RNF214: variants seen among roughly 807,000 people sequenced by gnomAD.
RNF214 encodes the protein ring finger protein 214.
RNF214 carries 25 observed loss-of-function variants against 75.9 expected under a neutral mutation model. That is an observed-to-expected ratio of 0.33 (90% CI 0.24 to 0.46). RNF214 has a LOEUF of 0.46. Ranked by LOEUF, RNF214 falls within the 20% of genes least tolerant of loss-of-function variation. RNF214 has a pLI of 1.00. For synonymous variants in RNF214, 314 were observed against 308.8 expected (o/e 1.02, Z -0.18); for missense variants, 725 against 857.5 (o/e 0.85, Z 1.93).
chr11:117,241,049 G>A (rs911275500), intron 4 of RNF214, among the ~76,000 whole-genome samples: 1 of 151,944 alleles, frequency 6.6e-6, no homozygotes, highest in African/African-American at 2.4e-5. Context: ...GTGTGGTGGC[G>A]TGTGCCTGTA....
intron 6 of RNF214, among the ~76,000 whole-genome samples, chr11:117,259,253 G>A (rs991381761): frequency 2.6e-5 from 4 of 152,154 alleles, no homozygotes; most frequent in Non-Finnish European, 5.9e-5. Context: ...TACCGTGCCC[G>A]GCTTTATTGT....
chr11:117,236,583 C>A (rs2032918579), intron 2 of RNF214, among the ~76,000 whole-genome samples: 1 of 152,180 alleles, frequency 6.6e-6, no homozygotes, highest in South Asian at 2.1e-4. Context: ...TCCCTCAACT[C>A]TTTTCCAGTG....
intron 2 of RNF214, among the ~76,000 whole-genome samples, chr11:117,236,214 G>C (rs1265773531): frequency 6.6e-6 from 1 of 151,778 alleles, no homozygotes; most frequent in Non-Finnish European, 1.5e-5. Flanking sequence ...GTCCGTCTTG[G>C]CCTCCCAAAG....
At chr11:117,238,131 T>A (rs1239972058) in intron 2 of RNF214, among the ~76,000 whole-genome samples, 1 of 152,164 alleles carries the variant, frequency 6.6e-6, no homozygotes, top group Non-Finnish European at 1.5e-5. Flanking sequence ...AACCCAGGTT[T>A]TTGGCCAGCT....
intron 6 of RNF214, among the ~76,000 whole-genome samples, chr11:117,268,015 C>A (rs2033833855): frequency 1.3e-5 from 2 of 152,198 alleles, no homozygotes; most frequent in African/African-American, 4.8e-5. Context: ...CTGATAGAAT[C>A]TTACTCCCTT....
chr11:117,256,609 C>A (rs2134384724), intron 6 of RNF214, among the ~76,000 whole-genome samples: 1 of 152,328 alleles, frequency 6.6e-6, no homozygotes, highest in African/African-American at 2.4e-5. Context: ...GGTGGTCTTT[C>A]CAGCAGATGA....
intron 6 of RNF214, among the ~76,000 whole-genome samples, chr11:117,251,798 A>G (rs2033401719): frequency 6.6e-6 from 1 of 152,196 alleles, no homozygotes; most frequent in Non-Finnish European, 1.5e-5. Flanking sequence ...TTTTTCCATG[A>G]TAGAGATATT....
intron 6 of RNF214, among the ~76,000 whole-genome samples, chr11:117,247,424 G>A (rs1391525132): frequency 6.6e-6 from 1 of 152,152 alleles, no homozygotes; most frequent in Non-Finnish European, 1.5e-5. Flanking sequence ...GAGCCCAGGA[G>A]TTCCAGGCTG....
chr11:117,245,554 G>A (rs994446263), intron 5 of RNF214, among the ~76,000 whole-genome samples: 14 of 151,824 alleles, frequency 9.2e-5, no homozygotes, highest in African/African-American at 3.4e-4. Context: ...ATGTTAGCCA[G>A]GATGGTCTCG....
chr11:117,266,987 A>G (rs1288031952), intron 6 of RNF214, among the ~76,000 whole-genome samples: 1 of 150,976 alleles, frequency 6.6e-6, no homozygotes, highest in African/African-American at 2.4e-5. Context: ...AAAAAAAAAA[A>G]AAAAAGGTTG....
At chr11:117,249,881 C>T (rs2033325095) in intron 6 of RNF214, among the ~76,000 whole-genome samples, 1 of 152,164 alleles carries the variant, frequency 6.6e-6, no homozygotes, top group South Asian at 2.1e-4. Context: ...TATCCAAATA[C>T]AATTACACTG....
Position 117,238,646 on chromosome 11 carries a change from T to C in RNF214, c.153T>C (p.Ser51=). The change falls in exon 3 of 15, where the codon AGT becomes AGC. Residue 51 remains serine (S), a synonymous_variant. Transcript: ENST00000300650. The stretch of plus-strand genomic sequence containing the variant: ...AGCAGAAGAACTCGCCTCTGTTGAG[T>C]GTAAGTAGCCAAACAATAACCAAGG... ...AQKQKNSPLL[S]VSSQTITKEN... 1.2e-6 allele frequency: 2 copies of C among 1,614,104 alleles called. No individual in the cohort carries two copies. The highest frequency in any genetic ancestry group is 1.7e-6 in the Non-Finnish European group (2 of 1,180,000).
At chr11:117,274,434 C>T (rs2033971808) in intron 6 of RNF214, among the ~76,000 whole-genome samples, 1 of 132,694 alleles carries the variant, frequency 7.5e-6, no homozygotes, top group Non-Finnish European at 1.5e-5. Flanking sequence ...ACAATCTTGG[C>T]TCACTGTAAC....
intron 3 of RNF214, 102 bp from the exon 4 acceptor site, chr11:117,239,699 A>G: frequency 4.2e-6 from 3 of 708,104 alleles, no homozygotes; most frequent in Non-Finnish European, 7.7e-6. Context: ...AAGGGGAAAG[A>G]GTAAAAAGTT....
chr11:117,233,875 A>G (rs1290759080), intron 1 of RNF214, among the ~76,000 whole-genome samples: 1 of 152,260 alleles, frequency 6.6e-6, no homozygotes, highest in Non-Finnish European at 1.5e-5. Context: ...ATTTAAAAAC[A>G]TGAGATCTGA....
At chr11:117,270,071 C>G (rs2134405407) in intron 6 of RNF214, among the ~76,000 whole-genome samples, 1 of 152,008 alleles carries the variant, frequency 6.6e-6, no homozygotes, top group Admixed American at 6.6e-5. Flanking sequence ...AAGACAGTTG[C>G]ATTTCTTTTG....
intron 6 of RNF214, among the ~76,000 whole-genome samples, chr11:117,256,771 G>A (rs2033536417): frequency 6.6e-6 from 1 of 152,102 alleles, no homozygotes; most frequent in South Asian, 2.1e-4. Context: ...GATTTGTGTG[G>A]GAAAGGACTA....
intron 4 of RNF214, among the ~76,000 whole-genome samples, chr11:117,242,832 C>T (rs775666740): frequency 3.3e-5 from 5 of 152,052 alleles, no homozygotes; most frequent in Admixed American, 2.0e-4. Context: ...CTAGCCTGGG[C>T]GACAGAGTGA....
At chr11:117,270,541 G>A (rs1369207553) in intron 6 of RNF214, among the ~76,000 whole-genome samples, 2 of 151,684 alleles carry the variant, frequency 1.3e-5, no homozygotes, top group East Asian at 3.9e-4. Context: ...AAGCAGTTCT[G>A]TCTGCCTTAG....
Sources: allele counts gnomAD v4.1 joint callset (sites outside exome capture counted in the v4.1 genomes callset), GRCh38; gene constraint gnomAD v4.1.1; transcripts MANE v1.5; gene names NCBI Gene and HGNC (gene_info 2026-07-23, HGNC 2026-07-21).